Variants in ARNT2 observed in about 807,000 individuals in gnomAD.
ARNT2 encodes the protein ARNT protein 2.
A neutral mutation model predicts 91.7 loss-of-function variants in ARNT2; 36 were observed. The observed-to-expected ratio is 0.39, with a 90% CI of 0.30 to 0.52. ARNT2 has a LOEUF of 0.52. Among genes scored for constraint, ARNT2 ranks in the 20% least tolerant of loss-of-function variants. The probability of loss-of-function intolerance (pLI) is 0.72; values close to 1 mark genes in which losing one functional copy is unlikely to be tolerated. For synonymous variants in ARNT2, 365 were observed against 347.1 expected (o/e 1.05, Z -0.57); for missense variants, 775 against 939.3 (o/e 0.83, Z 2.29).
Position 80,591,830 on chromosome 15 carries a change from C to G in ARNT2, c.2055+126C>G. 6.9e-7 allele frequency: 1 copy of G among 1,452,964 alleles called. No individual in the cohort carries two copies. Among genetic ancestry groups the G allele is most frequent in the South Asian group, 1.4e-5 (1 of 73,116 alleles). The allele number at this position is 1,452,964 out of a possible 1,614,324, so 90.0% of individuals were successfully genotyped here. A position where few individuals can be genotyped will look rare whatever the true frequency, so the allele number is the denominator to read the frequency against. On this transcript the variant is annotated intron_variant, in intron 18 of 18. Coordinates refer to ENST00000303329, the MANE Select transcript of ARNT2 (RefSeq NM_014862.4). The surrounding 1 kb of genome is among the most constrained non-coding windows in gnomAD (Gnocchi z 5.1). ...CGTGAGTTCTGGCCCAGCCTGGGCT[C>G]GAGGGAGTCCAGGAGTAGAAAGCCC...
chr15:80,576,752 G>A lies in ARNT2; in HGVS notation c.1514-114G>A, dbSNP rs897072086. On this transcript the variant is annotated intron_variant, in intron 14 of 18. Coordinates refer to ENST00000303329, the MANE Select transcript of ARNT2 (RefSeq NM_014862.4). ...AGATTGCGTGCAGGCGGGCTGCCCT[G>A]ACTTGTGTCCTCCCGTTCCCACGCC... is the stretch of plus-strand genomic sequence containing the variant. 2.0e-4 allele frequency: 216 copies of A among 1,089,468 alleles called. 3 individuals are homozygous for A. The South Asian group carries it at 2.8e-3, about 14-fold the overall frequency. The allele number at this position is 1,089,468 out of a possible 1,614,324, so 67.5% of individuals were successfully genotyped here.
intron 6 of ARNT2, among the ~76,000 whole-genome samples, chr15:80,511,929 G>A (rs1897348449): frequency 6.6e-6 from 1 of 152,144 alleles, no homozygotes; most frequent in Non-Finnish European, 1.5e-5. Flanking sequence ...GTCCATCACT[G>A]GACCTCAGAG....
At chr15:80,442,893 G>T (rs112492033) in intron 1 of ARNT2, 1 of 985,170 alleles carries the variant, frequency 1.0e-6, no homozygotes, top group Non-Finnish European at 1.2e-6. Flanking sequence ...GGGATCTGAC[G>T]CCGACACACT....
intron 8 of ARNT2, among the ~76,000 whole-genome samples, chr15:80,528,055 A>G (rs558177997): frequency 6.6e-6 from 1 of 152,316 alleles, no homozygotes; most frequent in East Asian, 1.9e-4. Flanking sequence ...GACCATAAAG[A>G]GGAGTACTTA....
chr15:80,489,988 A>C (rs938750791), intron 5 of ARNT2, among the ~76,000 whole-genome samples: 3 of 152,184 alleles, frequency 2.0e-5, no homozygotes, highest in African/African-American at 7.2e-5. Context: ...CTGGGTACTC[A>C]GTAAATGCTT....
intron 12 of ARNT2, among the ~76,000 whole-genome samples, chr15:80,567,232 C>G (rs1295092139): frequency 6.6e-6 from 1 of 152,112 alleles, no homozygotes; most frequent in African/African-American, 2.4e-5. Context: ...CCTGAAGGAG[C>G]CAGGTGCAGG....
At chr15:80,475,424 G>C in intron 5 of ARNT2, 3 of 478,990 alleles carry the variant, frequency 6.3e-6, no homozygotes, top group Non-Finnish European at 7.5e-6. Context: ...GCCAGGCGTG[G>C]TGGTGGGCGC....
chr15:80,528,365 T>TC (rs1390179282), intron 8 of ARNT2, among the ~76,000 whole-genome samples: 4 of 145,154 alleles, frequency 2.8e-5, no homozygotes, highest in East Asian at 2.0e-4. Flanking sequence ...TATTTGACCA[T>TC]TTATCTATCT....
intron 14 of ARNT2, among the ~76,000 whole-genome samples, chr15:80,576,083 G>A (rs73494765): frequency 0.044 from 6,693 of 152,178 alleles, 487 homozygotes; most frequent in African/African-American, 0.15. Flanking sequence ...GGAAACTGAG[G>A]CAGGGGATGA....
chr15:80,532,246 C>T (rs1173914267), intron 8 of ARNT2, among the ~76,000 whole-genome samples: 2 of 152,166 alleles, frequency 1.3e-5, no homozygotes, highest in Admixed American at 1.3e-4. Context: ...ATGTCTGAGT[C>T]AGGACACCTC....
intron 17 of ARNT2, among the ~76,000 whole-genome samples, chr15:80,589,816 G>T (rs1893241309): frequency 6.6e-6 from 1 of 152,166 alleles, no homozygotes; most frequent in Non-Finnish European, 1.5e-5. Context: ...TCTTGTGTGG[G>T]ATCATTAGGA....
chr15:80,445,050 T>G (rs1896274265), intron 1 of ARNT2: 1 of 151,044 alleles, frequency 6.6e-6, no homozygotes, highest in South Asian at 2.1e-4. Flanking sequence ...TGTGAGGGTG[T>G]GTACGTGTGT....
chr15:80,520,098 G>A (rs1952723756), intron 8 of ARNT2, among the ~76,000 whole-genome samples: 1 of 151,358 alleles, frequency 6.6e-6, no homozygotes, highest in Non-Finnish European at 1.5e-5. Flanking sequence ...TTTCCCTTTG[G>A]ATTAGTGAGT....
At chr15:80,561,970 C>A (rs1188532286) in intron 11 of ARNT2, among the ~76,000 whole-genome samples, 2 of 152,092 alleles carry the variant, frequency 1.3e-5, no homozygotes, top group African/African-American at 4.8e-5. Flanking sequence ...AGCATAGCAT[C>A]TATAGGGTTT....
At chr15:80,483,683 G>C (rs1445652211) in intron 5 of ARNT2, among the ~76,000 whole-genome samples, 1 of 152,240 alleles carries the variant, frequency 6.6e-6, no homozygotes, top group South Asian at 2.1e-4. Flanking sequence ...GGAGCTGGTA[G>C]CATGCTCATC....
At chr15:80,507,861 A>G (rs1897295000) in intron 5 of ARNT2, among the ~76,000 whole-genome samples, 2 of 152,304 alleles carry the variant, frequency 1.3e-5, no homozygotes, top group African/African-American at 4.8e-5. Context: ...TGCCTTTTCC[A>G]TGGAGTGGTG....
At chr15:80,542,182 T>C (rs1897918916) in intron 8 of ARNT2, among the ~76,000 whole-genome samples, 1 of 152,250 alleles carries the variant, frequency 6.6e-6, no homozygotes, top group Non-Finnish European at 1.5e-5. Context: ...AAACATTTTT[T>C]GCCCATATTA....
At chr15:80,419,070 G>C (rs1053500492) in intron 1 of ARNT2, among the ~76,000 whole-genome samples, 1 of 152,098 alleles carries the variant, frequency 6.6e-6, no homozygotes, top group Non-Finnish European at 1.5e-5. Context: ...TTTCTAGAAC[G>C]CAGGATCTGT....
rs770487463 is a variant in ARNT2, at chr15:80,416,255, C to T, written c.31+11709C>T. Among the ~76,000 whole-genome samples, 54 of 152,150 alleles carry T rather than the reference C, an allele frequency of 3.5e-4. 1 individual carries two copies. The highest frequency in any genetic ancestry group is 3.4e-3 in the Middle Eastern group (1 of 294). On this transcript the variant is annotated intron_variant, in intron 1 of 18. Transcript: ENST00000303329. Reference sequence around the variant, plus strand: ...TTGTATACTTGTCCCCCAGATTCCCCCATTGTGTTGCTATTTTACCATGTT... The same window carrying T: ...TTGTATACTTGTCCCCCAGATTCCCTCATTGTGTTGCTATTTTACCATGTT...
Sources: gnomAD v4.1 joint callset for allele counts (sites outside exome capture counted in the v4.1 genomes callset) on GRCh38, gnomAD v4.1.1 for gene constraint, Gnocchi (gnomAD v3.1) non-coding constraint, MANE v1.5 for transcripts, NCBI Gene and HGNC (gene_info 2026-07-23, HGNC 2026-07-21) for gene names.